The following ANO10 variants were observed in gnomAD, a reference collection of about 807,000 sequenced individuals.
The protein encoded by ANO10 is anoctamin 10, also known as anoctamin-10.
In ANO10, 77 loss-of-function variants were observed where a neutral mutation model predicts 74.7. The ratio of observed to expected loss-of-function variants is 1.03; its 90% CI spans 0.86 to 1.25. The LOEUF is 1.25. Ranked by LOEUF, ANO10 falls within the 50% of genes most tolerant of loss-of-function variation. The probability of loss-of-function intolerance (pLI) is 0.00; values close to 1 mark genes in which losing one functional copy is unlikely to be tolerated. For synonymous variants in ANO10, 279 were observed against 284.9 expected, an observed-to-expected ratio of 0.98 and a Z score of 0.21; for missense variants, 721 against 778.1, an observed-to-expected ratio of 0.93 and a Z score of 0.87.
chr3:43,406,136 C>T (rs548513673), intron 12 of ANO10, among the ~76,000 whole-genome samples: 1 of 152,176 alleles, frequency 6.6e-6, no homozygotes, highest in South Asian at 2.1e-4. Context: ...AGAATGGAAG[C>T]TCCCAGGGCA....
intron 5 of ANO10, among the ~76,000 whole-genome samples, chr3:43,577,647 C>G (rs1012984443): frequency 2.0e-5 from 3 of 152,200 alleles, no homozygotes; most frequent in Admixed American, 6.5e-5. Context: ...TTTATGCTCC[C>G]CACTTTTCTC....
intron 1 of ANO10, among the ~76,000 whole-genome samples, chr3:43,688,706 TG>T (rs2084307521): frequency 6.6e-6 from 1 of 151,758 alleles, no homozygotes; most frequent in Non-Finnish European, 1.5e-5. Flanking sequence ...TAGCTGGGCG[TG>T]GTGGCGGGTG....
intron 11 of ANO10, among the ~76,000 whole-genome samples, chr3:43,463,928 G>A (rs578127563): frequency 2.3e-4 from 35 of 152,184 alleles, no homozygotes; most frequent in African/African-American, 8.2e-4. Flanking sequence ...ACTGAATCAT[G>A]GGGGCAAGTC....
intron 6 of ANO10, among the ~76,000 whole-genome samples, chr3:43,576,192 A>C (rs879477322): frequency 1.3e-5 from 2 of 152,196 alleles, no homozygotes; most frequent in African/African-American, 2.4e-5. Context: ...TAGTTGATTC[A>C]GCTGAGTATC....
At chr3:43,511,970 C>T (rs2077523586) in intron 11 of ANO10, among the ~76,000 whole-genome samples, 1 of 152,156 alleles carries the variant, frequency 6.6e-6, no homozygotes, top group African/African-American at 2.4e-5. Flanking sequence ...TCTAAAGCAG[C>T]AGAGTCTTGT....
intron 1 of ANO10, among the ~76,000 whole-genome samples, chr3:43,642,281 T>C (rs1339232670): frequency 6.6e-6 from 1 of 152,262 alleles, no homozygotes; most frequent in East Asian, 1.9e-4. Context: ...CTGAAAGTTT[T>C]GGTTTGTAAT....
At chr3:43,585,316 G>A (rs2081426701) in intron 4 of ANO10, among the ~76,000 whole-genome samples, 1 of 151,426 alleles carries the variant, frequency 6.6e-6, no homozygotes, top group Non-Finnish European at 1.5e-5. Flanking sequence ...TTCATATTTA[G>A]TACCAAAACG....
chr3:43,382,150 G>A (rs566611885), intron 12 of ANO10, among the ~76,000 whole-genome samples: 1 of 152,332 alleles, frequency 6.6e-6, no homozygotes, highest in African/African-American at 2.4e-5. Context: ...AGCACAAATA[G>A]ACAATCTAAG....
At chr3:43,493,719 A>G (rs1220838176) in intron 11 of ANO10, among the ~76,000 whole-genome samples, 5 of 152,224 alleles carry the variant, frequency 3.3e-5, no homozygotes, top group Non-Finnish European at 7.3e-5. Flanking sequence ...ACTTAAATAA[A>G]AATCATTTAT....
At chr3:43,566,207 T>G (rs942701873) in intron 7 of ANO10, among the ~76,000 whole-genome samples, 1 of 152,158 alleles carries the variant, frequency 6.6e-6, no homozygotes, top group Non-Finnish European at 1.5e-5. Flanking sequence ...TCTCGCTGAT[T>G]GCTAGCACAG....
chr3:43,567,065 C>A (rs1363445614), intron 7 of ANO10, among the ~76,000 whole-genome samples: 1 of 151,932 alleles, frequency 6.6e-6, no homozygotes, highest in Non-Finnish European at 1.5e-5. Context: ...ATGCAATCAA[C>A]TGGAAGAAAG....
intron 2 of ANO10, 70 bp downstream of exon 2, chr3:43,605,644 T>C: frequency 1.9e-6 from 3 of 1,545,472 alleles, no homozygotes; most frequent in Non-Finnish European, 2.7e-6. Flanking sequence ...TGACTGAGCA[T>C]ACAGTGTGGG....
chr3:43,369,966 G>A (rs923697103), intron 12 of ANO10, among the ~76,000 whole-genome samples: 2 of 152,146 alleles, frequency 1.3e-5, no homozygotes, highest in East Asian at 1.9e-4. Flanking sequence ...ACTCATTACC[G>A]GCTGGCTGGC....
intron 11 of ANO10, among the ~76,000 whole-genome samples, chr3:43,528,251 T>C (rs1193761648): frequency 7.0e-6 from 1 of 142,610 alleles, no homozygotes; most frequent in African/African-American, 2.5e-5. Context: ...ACTATGAAAA[T>C]AAAACAGACA....
At chr3:43,445,646 C>A (rs1488748884) in intron 11 of ANO10, among the ~76,000 whole-genome samples, 1 of 152,056 alleles carries the variant, frequency 6.6e-6, no homozygotes, top group Non-Finnish European at 1.5e-5. Context: ...AAATCTATGA[C>A]CATGTTTCCT....
At chr3:43,521,125 G>A (rs529031724) in intron 11 of ANO10, among the ~76,000 whole-genome samples, 1 of 152,116 alleles carries the variant, frequency 6.6e-6, no homozygotes, top group East Asian at 1.9e-4. Flanking sequence ...CTTTCCAATC[G>A]ACATGCATTT....
chr3:43,673,788 C>T (rs1467464123), intron 1 of ANO10, among the ~76,000 whole-genome samples: 3 of 152,032 alleles, frequency 2.0e-5, no homozygotes, highest in Non-Finnish European at 4.4e-5. Flanking sequence ...CAAATCATCG[C>T]GACTTTAAAT....
intron 12 of ANO10, among the ~76,000 whole-genome samples, chr3:43,431,565 A>G (rs1427436910): frequency 6.6e-6 from 1 of 151,990 alleles, no homozygotes; most frequent in Non-Finnish European, 1.5e-5. Context: ...GGTTTACCAT[A>G]TAGACACACT....
upstream of ANO10, among the ~76,000 whole-genome samples, chr3:43,624,816 C>T (rs145442961): frequency 5.4e-3 from 816 of 152,258 alleles, 7 homozygotes; most frequent in African/African-American, 0.018. Context: ...GATTTCATCA[C>T]GATACTCAGA....
Sources: gnomAD v4.1 joint callset for allele counts (sites outside exome capture counted in the v4.1 genomes callset) on GRCh38, gnomAD v4.1.1 for gene constraint, MANE v1.5 for transcripts, NCBI Gene and HGNC (gene_info 2026-07-23, HGNC 2026-07-21) for gene names.